Variants in CDC6 observed in about 807,000 individuals in gnomAD.
The protein encoded by CDC6 is cell division cycle 6, also known as DNA replication factor CDC6.
In CDC6, 46 loss-of-function variants were observed where a neutral mutation model predicts 60.2. That is an observed-to-expected ratio of 0.76 (90% CI 0.60 to 0.98). CDC6 has a LOEUF of 0.98. CDC6 is among the 50% of genes least tolerant of loss of function. The pLI, the probability that CDC6 is intolerant of heterozygous loss-of-function variation, is 0.00. For missense variants in CDC6, 596 were observed against 652.9 expected, an observed-to-expected ratio of 0.91 and a Z score of 0.95; for synonymous variants, 210 against 233.2, an observed-to-expected ratio of 0.90 and a Z score of 0.90.
rs999607261 is a variant in CDC6 at position 40,289,342 on chromosome 17, C to T, written c.-13-66C>T. On this transcript the variant is annotated intron_variant, in intron 1 of 11. Transcript: ENST00000209728. ...GTTAATCATCAGTATAAATAAATTCCATGTTAGTTATTTTCTCTTCACTTT... is the reference window on the plus strand; with the variant it reads ...GTTAATCATCAGTATAAATAAATTCTATGTTAGTTATTTTCTCTTCACTTT... The T allele has an allele frequency of 2.5e-5, 31 of 1,220,908 alleles. No individual in the cohort carries two copies. The South Asian group carries it at 2.7e-4, about 11-fold the overall frequency. The allele number at this position is 1,220,908 out of a possible 1,614,324, so 75.6% of individuals were successfully genotyped here. A position where few individuals can be genotyped will look rare whatever the true frequency, so the allele number is the denominator to read the frequency against.
chr17:40,291,115 G>A lies in CDC6; in HGVS notation c.236G>A (p.Gly79Asp), dbSNP rs200914287. Residue 79 changes from glycine (G) to aspartate (D), a missense_variant, in exon 3 of 12, where the codon GGC becomes GAC. Coordinates refer to ENST00000209728, the MANE Select transcript of CDC6 (RefSeq NM_001254.4). ...CCTCCTTGTTCTCCACCAAAGCAAG[G>A]CAAGAAAGAGAATGGTCCCCCTCAC... ...HLPPCSPPKQGKKENGPPHSH... is the reference protein window; with the variant it reads ...HLPPCSPPKQDKKENGPPHSH... 3.1e-6 allele frequency: 5 copies of A among 1,614,114 alleles called. No individual in the cohort carries two copies. Among genetic ancestry groups the A allele is most frequent in the African/African-American group, 1.3e-5 (1 of 75,028 alleles).
At chr17:40,292,958 G>C (rs1158827583) in intron 4 of CDC6, among the ~76,000 whole-genome samples, 7 of 151,780 alleles carry the variant, frequency 4.6e-5, no homozygotes, top group Non-Finnish European at 8.8e-5. Flanking sequence ...GAAAGAGTAG[G>C]CCTGGTGCGG....
chr17:40,291,741 T>C (rs2032766335), intron 4 of CDC6, 73 bp downstream of exon 4: 1 of 1,446,468 alleles, frequency 6.9e-7, no homozygotes, highest in Non-Finnish European at 9.6e-7. Flanking sequence ...TTGTTTGTTT[T>C]GTTTTGTTTT....
intron 4 of CDC6, among the ~76,000 whole-genome samples, chr17:40,292,704 C>G (rs950222500): frequency 1.3e-5 from 2 of 150,932 alleles, no homozygotes; most frequent in South Asian, 2.1e-4. Flanking sequence ...CCGAGGCGGG[C>G]GGATCATGAG....
intron 8 of CDC6, 107 bp downstream of exon 8, chr17:40,295,563 C>T: frequency 1.3e-6 from 1 of 782,346 alleles, no homozygotes; most frequent in Non-Finnish European, 2.2e-6. Context: ...CTCTGTTCTG[C>T]TACTTTTTTA....
In CDC6 at chr17:40,302,315, C is replaced by A; in HGVS notation, c.*314C>A. ...AGGAATGTGTGTATATTTACCTCTT[C>A]GTTTGCTCAAACATGAGTGGGTATT... On this transcript the variant is annotated 3_prime_UTR_variant, in exon 12 of 12. Transcript: ENST00000209728. The A allele has an allele frequency of 3.3e-6, 1 of 306,060 alleles. No homozygotes were observed. Among genetic ancestry groups the A allele is most frequent in the South Asian group, 4.0e-5 (1 of 24,736 alleles). The allele number at this position is 306,060 out of a possible 1,614,324, so 19.0% of individuals were successfully genotyped here. A position where few individuals can be genotyped will look rare whatever the true frequency, so the allele number is the denominator to read the frequency against.
In CDC6 at chr17:40,297,496, A is replaced by G. The variant is rs552032604; in HGVS notation, c.1249+729A>G. ...GCTGTTGGGGGTGGAGGCCAAAGGG[A>G]GGGAGAGCATGCAGGACTTAAAACC... On this transcript the variant is annotated intron_variant, in intron 9 of 11. Coordinates refer to ENST00000209728, the MANE Select transcript of CDC6 (RefSeq NM_001254.4). Among the ~76,000 whole-genome samples the G allele has an allele frequency of 1.3e-3, 191 of 152,282 alleles. 1 individual carries two copies. The highest frequency in any genetic ancestry group is 4.2e-3 in the African/African-American group (175 of 41,550).
At chr17:40,288,870 T>A (rs1021287406) in intron 1 of CDC6, among the ~76,000 whole-genome samples, 3 of 151,634 alleles carry the variant, frequency 2.0e-5, no homozygotes, top group Admixed American at 1.3e-4. Context: ...GGCCGTAATT[T>A]TTGTATTTTT....
intron 8 of CDC6, among the ~76,000 whole-genome samples, 175 bp from the exon 9 acceptor site, chr17:40,296,528 A>G (rs1268726215): frequency 6.6e-6 from 1 of 152,198 alleles, no homozygotes; most frequent in East Asian, 1.9e-4. Flanking sequence ...ATAAAACATC[A>G]TAATTTTAAA....
chr17:40,300,284 AC>A (rs2032919899), intron 9 of CDC6, among the ~76,000 whole-genome samples: 1 of 151,902 alleles, frequency 6.6e-6, no homozygotes, highest in Non-Finnish European at 1.5e-5. Context: ...TTTCTTAATT[AC>A]CAAGCACAGT....
At chr17:40,300,015 G>A (rs2032914896) in intron 9 of CDC6, among the ~76,000 whole-genome samples, 1 of 151,666 alleles carries the variant, frequency 6.6e-6, no homozygotes, top group Non-Finnish European at 1.5e-5. Context: ...CCAGGCTGGA[G>A]TGCAGTGGCA....
chr17:40,299,994 A>G (rs1044732312), intron 9 of CDC6, among the ~76,000 whole-genome samples: 1 of 149,888 alleles, frequency 6.7e-6, no homozygotes, highest in Admixed American at 6.7e-5. Context: ...ATGGAGTTTC[A>G]CTCTTGTCGT....
At chr17:40,290,945 G>T (rs2032747836) in intron 2 of CDC6, 113 bp from the exon 3 acceptor site, 10 of 1,074,256 alleles carry the variant, frequency 9.3e-6, no homozygotes, top group Non-Finnish European at 1.4e-5. Context: ...TTTTATTTTG[G>T]TGGTTCTGAC....
chr17:40,302,056 G>C lies in CDC6; in HGVS notation c.*55G>C, dbSNP rs1163802635. 1 of 1,031,216 alleles carries C rather than the reference G, an allele frequency of 9.7e-7. No homozygotes were observed. The highest frequency in any genetic ancestry group is 1.5e-6 in the Non-Finnish European group (1 of 647,672). The allele number at this position is 1,031,216 out of a possible 1,614,324, so 63.9% of individuals were successfully genotyped here. ...TTCAGCTGGCATTTAGAGAGCTACA[G>C]TCTTCATTTTAGTGCTTTACACATT... On this transcript the variant is annotated 3_prime_UTR_variant, in exon 12 of 12. Coordinates refer to ENST00000209728, the MANE Select transcript of CDC6 (RefSeq NM_001254.4).
chr17:40,293,465 A>C lies in CDC6; in HGVS notation c.670A>C (p.Lys224Gln). The C allele has an allele frequency of 6.2e-7, 1 of 1,613,936 alleles. No individual in the cohort carries two copies. Among genetic ancestry groups the C allele is most frequent in the Non-Finnish European group, 8.5e-7 (1 of 1,179,822 alleles). The change falls in exon 5 of 12, where the codon AAA becomes CAA. Residue 224 changes from lysine (K) to glutamine (Q), a missense_variant. By Grantham distance (53) the Lys-to-Gln change is moderately conservative. Transcript: ENST00000209728. ...GCATTTTTTTTTCCAGAAGGAACTG[A>C]AAGGCTTTAAAACTATCATGCTGAA... is the stretch of plus-strand genomic sequence containing the variant. The part of the protein sequence containing the change: ...RILQDLKKEL[K>Q]GFKTIMLNCM...
At position 40,301,621 on chromosome 17, in the gene CDC6, T is replaced by C. The variant is rs201210900; in HGVS notation, c.1593+13T>C. 1 of 1,613,652 alleles carries C rather than the reference T, an allele frequency of 6.2e-7. No homozygotes were observed. Among genetic ancestry groups the C allele is most frequent in the Non-Finnish European group, 8.5e-7 (1 of 1,179,558 alleles). On this transcript the variant is annotated intron_variant, in intron 11 of 11. Transcript: ENST00000209728. ...CCGTTTGACAAAGGTACAACTGCTT[T>C]TTTGTGACAGTGTTTTTAATTGTCC...
In CDC6 at chr17:40,287,919, C is replaced by A. The variant is rs921935116; in HGVS notation, c.-185C>A. Reference sequence around the variant, plus strand: ...GAGCGCGGCTGGAGTTTGCTGCTGCCGCTGTGCAGTTTGTTCAGGGGCTTG... The same window carrying A: ...GAGCGCGGCTGGAGTTTGCTGCTGCAGCTGTGCAGTTTGTTCAGGGGCTTG... On this transcript the variant is annotated 5_prime_UTR_variant, in exon 1 of 12. Coordinates refer to ENST00000209728, the MANE Select transcript of CDC6 (RefSeq NM_001254.4). The A allele has an allele frequency of 6.5e-6, 1 of 153,098 alleles. No homozygotes were observed. Among genetic ancestry groups the A allele is most frequent in the African/African-American group, 2.4e-5 (1 of 41,472 alleles). The allele number at this position is 153,098 out of a possible 1,614,324, so 9.5% of individuals were successfully genotyped here.
chr17:40,297,076 T>C lies in CDC6; in HGVS notation c.1249+309T>C, dbSNP rs972136514. On this transcript the variant is annotated intron_variant, in intron 9 of 11. Coordinates refer to ENST00000209728, the MANE Select transcript of CDC6 (RefSeq NM_001254.4). Reference sequence around the variant, plus strand: ...GTTGGATCAGCTCTCTGGGTGCTTATGTTGCGTGCACTTTAGGTCTCAATA... The same window carrying C: ...GTTGGATCAGCTCTCTGGGTGCTTACGTTGCGTGCACTTTAGGTCTCAATA... Among the ~76,000 whole-genome samples, 26 of 152,182 alleles carry C rather than the reference T, an allele frequency of 1.7e-4. 1 individual carries two copies. The highest frequency in any genetic ancestry group is 6.5e-5 in the Admixed American group (1 of 15,270).
In CDC6 at chr17:40,302,328, A is replaced by AT. The variant is rs984073636; in HGVS notation, c.*328dup. 3 of 286,490 alleles carry AT rather than the reference A, an allele frequency of 1.0e-5. No homozygotes were observed. The highest frequency in any genetic ancestry group is 2.0e-5 in the Non-Finnish European group (3 of 151,334). 17.7% of individuals were successfully genotyped at this position (286,490 alleles called of 1,614,324 possible). On this transcript the variant is annotated 3_prime_UTR_variant, in exon 12 of 12. Transcript: ENST00000209728. ...TATTTACCTCTTCGTTTGCTCAAAC[A>AT]TGAGTGGGTATTTTTTTGTTTGTTT...
Sources: gnomAD v4.1 joint callset for allele counts (sites outside exome capture counted in the v4.1 genomes callset) on GRCh38, gnomAD v4.1.1 for gene constraint, MANE v1.5 for transcripts, NCBI Gene and HGNC (gene_info 2026-07-23, HGNC 2026-07-21) for gene names.